Variants in STARD13 observed in about 807,000 individuals in gnomAD.
STARD13 encodes the protein StAR related lipid transfer domain containing 13.
A neutral mutation model predicts 106.4 loss-of-function variants in STARD13; 62 were observed. The observed-to-expected ratio is 0.58, with a 90% CI of 0.48 to 0.72. The LOEUF is 0.72. Ranked by LOEUF, STARD13 falls within the 30% of genes least tolerant of loss-of-function variation. The pLI, the probability that STARD13 is intolerant of heterozygous loss-of-function variation, is 0.00. For missense variants in STARD13, 1,387 were observed against 1,424.0 expected (o/e 0.97, Z 0.42); for synonymous variants, 565 against 553.0 (o/e 1.02, Z -0.31).
At chr13:33,474,023 T>C in the STARD13 span, among the ~76,000 whole-genome samples, 2 of 152,204 alleles carry the variant, frequency 1.3e-5, no homozygotes, top group Non-Finnish European at 2.9e-5. Flanking sequence ...TTTGTTTTTA[T>C]GTGTGTGTTC....
chr13:33,385,255 A>C, the STARD13 span, among the ~76,000 whole-genome samples: 1 of 135,966 alleles, frequency 7.4e-6, no homozygotes, highest in Non-Finnish European at 1.6e-5. Flanking sequence ...ATATATATAT[A>C]TATGTAGAAA....
intron 1 of STARD13, among the ~76,000 whole-genome samples, chr13:33,223,972 G>T (rs1179124828): frequency 6.6e-6 from 1 of 152,142 alleles, no homozygotes; most frequent in Non-Finnish European, 1.5e-5. Context: ...CACAGGTTTG[G>T]TGAGTGATGG....
chr13:33,606,243 G>A, the STARD13 span, among the ~76,000 whole-genome samples: 14 of 152,158 alleles, frequency 9.2e-5, no homozygotes, highest in African/African-American at 3.1e-4. Flanking sequence ...GGAGGTTGCA[G>A]TGAGCCAAGA....
At chr13:33,148,161 A>G in intron 3 of STARD13, among the ~76,000 whole-genome samples, 1 of 152,242 alleles carries the variant, frequency 6.6e-6, no homozygotes, top group East Asian at 1.9e-4. Flanking sequence ...GAATAAAGTG[A>G]TGACCTTTTA....
the STARD13 span, among the ~76,000 whole-genome samples, chr13:33,576,231 C>CT: frequency 2.7e-5 from 4 of 150,910 alleles, no homozygotes; most frequent in Admixed American, 6.6e-5. Flanking sequence ...TGGTTCTGCT[C>CT]TTTTTTTTTG....
the STARD13 span, among the ~76,000 whole-genome samples, chr13:33,664,937 A>C: frequency 6.6e-6 from 1 of 152,070 alleles, no homozygotes; most frequent in Non-Finnish European, 1.5e-5. Context: ...AAAACTACTT[A>C]CTCTTTTACT....
chr13:33,478,936 T>C, the STARD13 span, among the ~76,000 whole-genome samples: 8 of 152,136 alleles, frequency 5.3e-5, no homozygotes, highest in East Asian at 1.5e-3. Flanking sequence ...AACAATAAAG[T>C]AAAAGGTCAA....
intron 1 of STARD13, among the ~76,000 whole-genome samples, chr13:33,244,603 G>T (rs1324950561): frequency 6.6e-6 from 1 of 152,034 alleles, no homozygotes; most frequent in Non-Finnish European, 1.5e-5. Flanking sequence ...TGAGCCTAGG[G>T]CTGAAGAGGT....
At chr13:33,661,052 T>G in the STARD13 span, among the ~76,000 whole-genome samples, 5 of 152,358 alleles carry the variant, frequency 3.3e-5, no homozygotes, top group Non-Finnish European at 5.9e-5. Flanking sequence ...ATATTATTTG[T>G]TATTTACCTG....
At chr13:33,187,287 C>T (rs1277699262) in intron 1 of STARD13, among the ~76,000 whole-genome samples, 2 of 152,188 alleles carry the variant, frequency 1.3e-5, no homozygotes, top group Non-Finnish European at 2.9e-5. Flanking sequence ...GAGAACTGCC[C>T]ACTTTTGATT....
chr13:33,353,910 C>T (rs563907580), upstream of STARD13, among the ~76,000 whole-genome samples: 1 of 152,188 alleles, frequency 6.6e-6, no homozygotes, highest in Non-Finnish European at 1.5e-5. Flanking sequence ...GCTTGTGCAT[C>T]CTCAGTGCCT....
the STARD13 span, among the ~76,000 whole-genome samples, chr13:33,644,666 C>T: frequency 8.8e-3 from 1,344 of 152,202 alleles, 21 homozygotes; most frequent in African/African-American, 0.031. Context: ...AGCTGTTCTT[C>T]CACTCCAAGC....
chr13:33,346,650 G>A (rs1345721117), downstream of STARD13, among the ~76,000 whole-genome samples: 1 of 151,810 alleles, frequency 6.6e-6, no homozygotes, highest in Non-Finnish European at 1.5e-5. Context: ...TTTTTTTTGA[G>A]ATGGAGTCTT....
chr13:33,641,141 G>A, the STARD13 span, among the ~76,000 whole-genome samples: 1 of 152,226 alleles, frequency 6.6e-6, no homozygotes, highest in African/African-American at 2.4e-5. Flanking sequence ...TGGCCTCTAT[G>A]AGCATGCATT....
chr13:33,574,287 CTT>C, the STARD13 span, among the ~76,000 whole-genome samples: 1 of 152,192 alleles, frequency 6.6e-6, no homozygotes, highest in African/African-American at 2.4e-5. Flanking sequence ...AATCGACAAA[CTT>C]TTTAACACAT....
At chr13:33,451,384 G>A in the STARD13 span, among the ~76,000 whole-genome samples, 1 of 152,248 alleles carries the variant, frequency 6.6e-6, no homozygotes, top group East Asian at 1.9e-4. Flanking sequence ...GGGTGGAAAG[G>A]AAGAGATCGG....
the STARD13 span, among the ~76,000 whole-genome samples, chr13:33,423,063 A>G: frequency 1.3e-5 from 2 of 152,242 alleles, no homozygotes; most frequent in Non-Finnish European, 1.5e-5. Context: ...AAACACCAAA[A>G]GCAATGGCGA....
the STARD13 span, among the ~76,000 whole-genome samples, chr13:33,625,243 TC>T: frequency 5.9e-5 from 9 of 152,184 alleles, no homozygotes; most frequent in African/African-American, 2.2e-4. Flanking sequence ...GCCCAGCCTG[TC>T]CTGAACGAGA....
At chr13:33,124,495 T>C (rs1216716968) in intron 7 of STARD13, among the ~76,000 whole-genome samples, 1 of 152,188 alleles carries the variant, frequency 6.6e-6, no homozygotes, top group Non-Finnish European at 1.5e-5. Flanking sequence ...TTCTCCCAGA[T>C]TTAAAAAATT....
Sources: allele counts gnomAD v4.1 joint callset (sites outside exome capture counted in the v4.1 genomes callset), GRCh38; gene constraint gnomAD v4.1.1; transcripts MANE v1.5; gene names NCBI Gene and HGNC (gene_info 2026-07-23, HGNC 2026-07-21).